HACL2: variants seen among roughly 807,000 people sequenced by gnomAD.
HACL2 encodes the protein 2-hydroxyacyl-CoA lyase 2, also known as 2-hydroxyacyl-CoA lyase 1 like.
chr19:15,124,944 A>G, the HACL2 span: 1 of 1,607,930 alleles, frequency 6.2e-7, no homozygotes, highest in Non-Finnish European at 8.5e-7. Flanking sequence ...CAGCTGATAG[A>G]AGAGCCCCAG....
the HACL2 span, chr19:15,117,492 A>G: frequency 1.2e-5 from 2 of 168,964 alleles, no homozygotes; most frequent in South Asian, 1.5e-4. Flanking sequence ...TGGGCAACAC[A>G]GTGAGATGCT....
At chr19:15,125,154 C>A in the HACL2 span, 1 of 1,318,122 alleles carries the variant, frequency 7.6e-7, no homozygotes. Context: ...CAGCAGGATC[C>A]AGGGCCACGA....
At chr19:15,121,660 T>C in the HACL2 span, among the ~76,000 whole-genome samples, 3 of 151,378 alleles carry the variant, frequency 2.0e-5, no homozygotes, top group Non-Finnish European at 4.4e-5. Flanking sequence ...AATACAAGTA[T>C]TAGCCAGGTG....
chr19:15,115,518 G>C, the HACL2 span: 1 of 1,601,260 alleles, frequency 6.2e-7, no homozygotes, highest in Non-Finnish European at 8.5e-7. Context: ...AGCCCAGCTG[G>C]GACTGAAACA....
At chr19:15,117,982 C>T in the HACL2 span, 37 of 1,614,002 alleles carry the variant, frequency 2.3e-5, no homozygotes, top group Non-Finnish European at 3.1e-5. Context: ...GCTGAGGACA[C>T]GGCCATAGGA....
the HACL2 span, chr19:15,124,745 C>T: frequency 1.2e-6 from 1 of 848,270 alleles, no homozygotes; most frequent in Non-Finnish European, 1.8e-6. Context: ...TGGCAAAGTC[C>T]AGGCCTCCAT....
chr19:15,125,326 GCCA>G, the HACL2 span: 3 of 493,852 alleles, frequency 6.1e-6, no homozygotes, highest in East Asian at 7.4e-5. Flanking sequence ...ACCCAAACTA[GCCA>G]CCACAAGTCA....
At chr19:15,125,630 C>T in the HACL2 span, 1 of 152,786 alleles carries the variant, frequency 6.5e-6, no homozygotes, top group Non-Finnish European at 1.5e-5. Flanking sequence ...TTCTCCCACA[C>T]CAGCTCGACC....
the HACL2 span, chr19:15,125,111 G>T: frequency 1.4e-6 from 2 of 1,475,148 alleles, no homozygotes; most frequent in South Asian, 2.7e-5. Context: ...GCGCGACAGG[G>T]AACCTCTCCG....
the HACL2 span, chr19:15,123,193 C>A: frequency 6.2e-7 from 1 of 1,614,088 alleles, no homozygotes; most frequent in Non-Finnish European, 8.5e-7. This position sits in a 1 kb window ranked among gnomAD's most constrained non-coding sequence, Gnocchi z 5.1. Flanking sequence ...ACCGCAGTCA[C>A]CGTGTTGGTG....
chr19:15,117,503 G>A, the HACL2 span: 1 of 172,490 alleles, frequency 5.8e-6, no homozygotes, highest in East Asian at 1.5e-4. Flanking sequence ...GTGAGATGCT[G>A]ATTCCACAAA....
the HACL2 span, chr19:15,116,411 A>G: frequency 3.1e-6 from 5 of 1,613,820 alleles, no homozygotes; most frequent in Non-Finnish European, 4.2e-6. Context: ...GCCCCACCGA[A>G]AGGTCTGCTC....
chr19:15,117,840 G>C, the HACL2 span: 1 of 1,610,316 alleles, frequency 6.2e-7, no homozygotes, highest in East Asian at 2.2e-5. Flanking sequence ...GAGAGGGACT[G>C]GGAGGAGCAC....
At chr19:15,116,203 T>G in the HACL2 span, 1 of 1,613,866 alleles carries the variant, frequency 6.2e-7, no homozygotes. Flanking sequence ...TGGGCAGCAG[T>G]GCCCACGAAG....
At chr19:15,120,221 G>A in the HACL2 span, 2 of 562,144 alleles carry the variant, frequency 3.6e-6, no homozygotes, top group Non-Finnish European at 6.4e-6. Context: ...GACACCTCAG[G>A]GACAGACGAA....
chr19:15,120,712 A>G, the HACL2 span, among the ~76,000 whole-genome samples: 1 of 152,238 alleles, frequency 6.6e-6, no homozygotes, highest in Non-Finnish European at 1.5e-5. Context: ...GGCAGGAAAC[A>G]GTCGGAGCTC....
the HACL2 span, chr19:15,122,567 G>T: frequency 1.3e-6 from 1 of 780,668 alleles, no homozygotes; most frequent in Non-Finnish European, 2.1e-6. The surrounding 1 kb of genome is among the most constrained non-coding windows in gnomAD (Gnocchi z 4.0). Flanking sequence ...CCTTCTACCT[G>T]GAATGCTCTC....
chr19:15,123,047 T>G, the HACL2 span: 3 of 1,607,318 alleles, frequency 1.9e-6, no homozygotes, highest in Middle Eastern at 1.6e-4. The surrounding 1 kb of genome is among the most constrained non-coding windows in gnomAD (Gnocchi z 5.1). Flanking sequence ...AAGACAGAGG[T>G]GTGGCAGGGT....
the HACL2 span, among the ~76,000 whole-genome samples, chr19:15,121,462 G>C: frequency 1.3e-5 from 2 of 152,058 alleles, no homozygotes; most frequent in Non-Finnish European, 2.9e-5. Flanking sequence ...GGGACTGAGG[G>C]GAAGGGAGAG....
Sources: allele counts gnomAD v4.1 joint callset (sites outside exome capture counted in the v4.1 genomes callset), GRCh38; gene constraint gnomAD v4.1.1; non-coding constraint Gnocchi (gnomAD v3.1); transcripts MANE v1.5; gene names NCBI Gene and HGNC (gene_info 2026-07-23, HGNC 2026-07-21).